Variants in TGM2 observed in about 807,000 individuals in gnomAD.
TGM2 encodes protein-glutamine gamma-glutamyltransferase 2.
In TGM2, 53 loss-of-function variants were observed where a neutral mutation model predicts 75.6. The ratio of observed to expected loss-of-function variants is 0.70; its 90% CI spans 0.56 to 0.88. TGM2 has a LOEUF of 0.88. TGM2 is among the 40% of genes least tolerant of loss of function. TGM2 has a pLI of 0.00. For synonymous variants in TGM2, 374 were observed against 381.1 expected (o/e 0.98, Z 0.22); for missense variants, 842 against 928.5 (o/e 0.91, Z 1.21).
rs184002223 is a variant in TGM2 at position 38,136,279 on chromosome 20, T to C, written c.1615+1834A>G. ...ACACAGACCTGCTTTCTTAGGAGGGTGAAAGCTGTGCCCCAGACGCCAGCC... is the reference window on the plus strand; with the variant it reads ...ACACAGACCTGCTTTCTTAGGAGGGCGAAAGCTGTGCCCCAGACGCCAGCC... On this transcript the variant is annotated intron_variant, in intron 10 of 12. Transcript: ENST00000361475. Among the ~76,000 whole-genome samples, 267 of 152,162 alleles carry C rather than the reference T, an allele frequency of 1.8e-3. 1 individual carries two copies. The South Asian group carries it at 0.026, about 15-fold the overall frequency.
Position 38,130,215 on chromosome 20 carries a change from T to C in TGM2, c.*4A>G. 1.2e-6 allele frequency: 2 copies of C among 1,613,264 alleles called. No individual in the cohort carries two copies. Among genetic ancestry groups the C allele is most frequent in the Non-Finnish European group, 1.7e-6 (2 of 1,179,872 alleles). ...GCTCTCAGCAGGCTGGGAGCAGGGG[T>C]CCCTTAGGCGGGGCCAATGATGACA... On this transcript the variant is annotated 3_prime_UTR_variant, in exon 13 of 13. Transcript: ENST00000361475.
At chr20:38,130,930 C>G (rs748194692) in intron 12 of TGM2, among the ~76,000 whole-genome samples, 163 bp downstream of exon 12, 65 of 152,008 alleles carry the variant, frequency 4.3e-4, no homozygotes, top group Non-Finnish European at 7.8e-4. Flanking sequence ...GAGAATGTGA[C>G]GGTGGGAACT....
chr20:38,165,932 A>G (rs2075306433), upstream of TGM2, among the ~76,000 whole-genome samples: 1 of 149,056 alleles, frequency 6.7e-6, no homozygotes, highest in Admixed American at 6.7e-5. Flanking sequence ...ACCGCGAGCC[A>G]CACACAGCTG....
intron 2 of TGM2, among the ~76,000 whole-genome samples, chr20:38,158,921 C>T (rs1283951493): frequency 6.6e-6 from 1 of 152,164 alleles, no homozygotes; most frequent in Non-Finnish European, 1.5e-5. Context: ...CAGGCTTCTC[C>T]GGGCCCCGGG....
Position 38,128,097 on chromosome 20 carries a change from G to T in TGM2, c.*2122C>A, listed in dbSNP as rs1198156578. The T allele has an allele frequency of 6.6e-6, 1 of 152,218 alleles. No individual in the cohort carries two copies. The highest frequency in any genetic ancestry group is 1.5e-5 in the Non-Finnish European group (1 of 68,052). 9.4% of individuals were successfully genotyped at this position (152,218 alleles called of 1,614,324 possible). A position where few individuals can be genotyped will look rare whatever the true frequency, so the allele number is the denominator to read the frequency against. On this transcript the variant is annotated 3_prime_UTR_variant, in exon 13 of 13. Transcript: ENST00000361475. Reference sequence around the variant, plus strand: ...GGGACCCGAAAAGATATCAAGGAAGGTTTCACAGAAGAGGTGACTTTGGTG... The same window carrying T: ...GGGACCCGAAAAGATATCAAGGAAGTTTTCACAGAAGAGGTGACTTTGGTG...
At chr20:38,148,809 C>T (rs537373871) in intron 4 of TGM2, among the ~76,000 whole-genome samples, 13 of 152,196 alleles carry the variant, frequency 8.5e-5, no homozygotes, top group Non-Finnish European at 1.5e-4. Flanking sequence ...CACACCTCCT[C>T]ATCCTTGCCA....
At chr20:38,137,417 C>T (rs895897417) in intron 10 of TGM2, among the ~76,000 whole-genome samples, 1 of 152,136 alleles carries the variant, frequency 6.6e-6, no homozygotes, top group African/African-American at 2.4e-5. Flanking sequence ...CGTGCCACTG[C>T]ACTGCAGACT....
chr20:38,141,832 G>A (rs1187497323), intron 7 of TGM2, among the ~76,000 whole-genome samples: 1 of 151,668 alleles, frequency 6.6e-6, no homozygotes, highest in Non-Finnish European at 1.5e-5. Context: ...TCAAGCCTGG[G>A]CCCCCTAATG....
intron 4 of TGM2, among the ~76,000 whole-genome samples, chr20:38,148,686 T>G (rs1263365049): frequency 6.6e-6 from 1 of 152,108 alleles, no homozygotes; most frequent in Admixed American, 6.5e-5. Flanking sequence ...CTTTTTGACC[T>G]CATCTCTCAC....
At chr20:38,162,255 T>A (rs1568706340) in intron 1 of TGM2, among the ~76,000 whole-genome samples, 1 of 152,260 alleles carries the variant, frequency 6.6e-6, no homozygotes, top group Non-Finnish European at 1.5e-5. Flanking sequence ...AAACACTTAG[T>A]ACAATGTCTG....
At position 38,138,373 on chromosome 20, in the gene TGM2, T is replaced by C. The variant is rs1449241152; in HGVS notation, c.1355A>G (p.Glu452Gly). Residue 452 changes from glutamate (E) to glycine (G), a missense_variant, in exon 10 of 13, where the codon GAG (glutamate) becomes GGG (glycine). Transcript: ENST00000361475. ...GTTCGCCCTTGTGAAGGCCTCCCTC[T>C]CCTCTGAGGACCCTGTAGGGGTTGA... ...TYKYPEGSSE[E>G]REAFTRANHL... The C allele has an allele frequency of 6.2e-7, 1 of 1,613,904 alleles. No homozygotes were observed. The highest frequency in any genetic ancestry group is 8.5e-7 in the Non-Finnish European group (1 of 1,180,016).
chr20:38,146,103 C>T (rs2075041850), intron 6 of TGM2: 1 of 157,040 alleles, frequency 6.4e-6, no homozygotes, highest in Non-Finnish European at 1.4e-5. Flanking sequence ...CAATCATCGA[C>T]ATTTTCTGGC....
intron 3 of TGM2, among the ~76,000 whole-genome samples, chr20:38,153,412 G>C (rs560448654): frequency 1.3e-5 from 2 of 151,722 alleles, no homozygotes; most frequent in Admixed American, 1.3e-4. Context: ...GTAATCCCAG[G>C]TACTCGGGAG....
At chr20:38,130,644 C>T (rs1346568563) in intron 12 of TGM2, among the ~76,000 whole-genome samples, 3 of 152,172 alleles carry the variant, frequency 2.0e-5, no homozygotes, top group Non-Finnish European at 4.4e-5. Flanking sequence ...ATGTATTGAG[C>T]TGTACATAGG....
intron 2 of TGM2, among the ~76,000 whole-genome samples, chr20:38,158,009 G>A (rs750367588): frequency 1.3e-5 from 2 of 152,180 alleles, no homozygotes; most frequent in Non-Finnish European, 2.9e-5. Context: ...GGGTGACCAA[G>A]CATCACAGTT....
At chr20:38,153,299 C>T (rs181714407) in intron 3 of TGM2, among the ~76,000 whole-genome samples, 29 of 151,772 alleles carry the variant, frequency 1.9e-4, no homozygotes, top group South Asian at 2.1e-4. Flanking sequence ...CCGAGGTGGG[C>T]GGATCACCTG....
At chr20:38,147,107 G>A (rs1312482253) in intron 5 of TGM2, among the ~76,000 whole-genome samples, 1 of 152,086 alleles carries the variant, frequency 6.6e-6, no homozygotes, top group Non-Finnish European at 1.5e-5. Context: ...GGGGAAGAAG[G>A]AGGTGGGGCA....
At position 38,129,992 on chromosome 20, in the gene TGM2, A is replaced by G; in HGVS notation, c.*227T>C. The G allele has an allele frequency of 6.6e-6, 4 of 605,568 alleles. 1 individual carries two copies. The South Asian group carries it at 8.2e-5, about 12-fold the overall frequency. The allele number at this position is 605,568 out of a possible 1,614,324, so 37.5% of individuals were successfully genotyped here. ...CCAGTCAGCCAAGGTCAGGGCTCCC[A>G]CTGTTTCTGGCACAGAGCATTCCTC... is the stretch of plus-strand genomic sequence containing the variant. On this transcript the variant is annotated 3_prime_UTR_variant, in exon 13 of 13. Coordinates refer to ENST00000361475, the MANE Select transcript of TGM2 (RefSeq NM_004613.4).
chr20:38,139,651 G>A lies in TGM2; in HGVS notation c.1103C>T (p.Thr368Met), dbSNP rs372235586. 20 of 1,613,994 alleles carry A rather than the reference G, an allele frequency of 1.2e-5. No homozygotes were observed. Among genetic ancestry groups the A allele is most frequent in the Non-Finnish European group, 1.4e-5 (17 of 1,180,014 alleles). ...DPTPQEKSEG[T>M]YCCGPVPVRA... ...AACTGGAACTGGGCCACAGCAGTACGTCCCTGGCAGAGGTAGAAAGGGGAA... is the reference window on the plus strand; with the variant it reads ...AACTGGAACTGGGCCACAGCAGTACATCCCTGGCAGAGGTAGAAAGGGGAA... Residue 368 changes from threonine to methionine, a missense_variant, in exon 9 of 13, where the codon ACG (threonine) becomes ATG (methionine). Coordinates refer to ENST00000361475, the MANE Select transcript of TGM2 (RefSeq NM_004613.4).
Sources: allele counts gnomAD v4.1 joint callset (sites outside exome capture counted in the v4.1 genomes callset), GRCh38; gene constraint gnomAD v4.1.1; transcripts MANE v1.5; gene names NCBI Gene and HGNC (gene_info 2026-07-23, HGNC 2026-07-21).